Variants in AK9 observed in about 807,000 individuals in gnomAD.
AK9 encodes adenylate kinase domain containing 1.
In AK9, 191 loss-of-function variants were observed where a neutral mutation model predicts 239.6. The ratio of observed to expected loss-of-function variants is 0.80; its 90% confidence interval spans 0.71 to 0.90. AK9 has a LOEUF of 0.90. AK9 is among the 40% of genes least tolerant of loss of function. The probability of loss-of-function intolerance (pLI) is 0.00; values close to 1 mark genes in which losing one functional copy is unlikely to be tolerated. For synonymous variants in AK9, 689 were observed against 721.0 expected (o/e 0.96, Z 0.71); for missense variants, 1,995 against 2,214.7 (o/e 0.90, Z 1.99).
At chr6:109,651,007 C>G (rs1451408101) in intron 8 of AK9, among the ~76,000 whole-genome samples, 2 of 152,136 alleles carry the variant, frequency 1.3e-5, no homozygotes, top group East Asian at 3.9e-4. Flanking sequence ...TGCATGTTCT[C>G]ACTCATAGGT....
chr6:109,606,842 C>T (rs1792948802), intron 17 of AK9, among the ~76,000 whole-genome samples: 1 of 152,150 alleles, frequency 6.6e-6, no homozygotes, highest in Non-Finnish European at 1.5e-5. Flanking sequence ...GTGCATTCTC[C>T]ATGGCAAGGG....
intron 29 of AK9, among the ~76,000 whole-genome samples, chr6:109,523,230 C>T: frequency 7.4e-6 from 1 of 135,636 alleles, no homozygotes; most frequent in East Asian, 2.2e-4. Flanking sequence ...AAAATCTTCA[C>T]AAAAGATCAT....
intron 27 of AK9, among the ~76,000 whole-genome samples, chr6:109,537,146 T>C (rs1782121710): frequency 6.6e-6 from 1 of 152,194 alleles, no homozygotes; most frequent in African/African-American, 2.4e-5. Flanking sequence ...ATTCCCTCTT[T>C]TTCTATTGAT....
chr6:109,685,023 A>G (rs1773299822), intron 1 of AK9, among the ~76,000 whole-genome samples: 1 of 144,412 alleles, frequency 6.9e-6, no homozygotes, highest in South Asian at 2.1e-4. Flanking sequence ...GCAAAACCAC[A>G]ATGAGATACC....
At chr6:109,603,458 C>T (rs373108606) in intron 17 of AK9, among the ~76,000 whole-genome samples, 17 of 152,234 alleles carry the variant, frequency 1.1e-4, no homozygotes, top group African/African-American at 3.9e-4. Context: ...GGTACCTGGC[C>T]GTGTGAGGTG....
chr6:109,554,612 A>AC (rs1562399766), intron 24 of AK9, among the ~76,000 whole-genome samples: 1 of 142,242 alleles, frequency 7.0e-6, no homozygotes, highest in East Asian at 2.1e-4. Context: ...GCTCACTGCA[A>AC]CCTCCACCTC....
intron 26 of AK9, 64 bp from the exon 27 acceptor site, chr6:109,542,235 C>A: frequency 6.9e-7 from 1 of 1,439,658 alleles, no homozygotes; most frequent in East Asian, 2.4e-5. Context: ...TGCATGTTCT[C>A]ACTCATATGT....
At chr6:109,644,576 C>G in intron 9 of AK9, 38 bp downstream of exon 9, 1 of 1,526,476 alleles carries the variant, frequency 6.6e-7, no homozygotes, top group Non-Finnish European at 8.9e-7. Flanking sequence ...TTTAAATTTT[C>G]CATGCTGTGA....
At chr6:109,559,299 C>T (rs1335259133) in intron 24 of AK9, among the ~76,000 whole-genome samples, 2 of 152,136 alleles carry the variant, frequency 1.3e-5, no homozygotes, top group East Asian at 3.9e-4. Context: ...TCCCGAGTAG[C>T]TGGGACTACA....
At chr6:109,542,952 A>AT (rs1322907236) in intron 26 of AK9, among the ~76,000 whole-genome samples, 1 of 152,126 alleles carries the variant, frequency 6.6e-6, no homozygotes. Flanking sequence ...ACCTTTTTCA[A>AT]TTTATCACAC....
intron 8 of AK9, among the ~76,000 whole-genome samples, chr6:109,651,470 C>G (rs12663674): frequency 6.6e-6 from 1 of 151,832 alleles, no homozygotes; most frequent in African/African-American, 2.4e-5. Flanking sequence ...AAAGCAGGAA[C>G]GATCTAAAAT....
intron 5 of AK9, among the ~76,000 whole-genome samples, chr6:109,667,772 T>C (rs991233631): frequency 1.8e-4 from 28 of 152,236 alleles, no homozygotes; most frequent in African/African-American, 6.5e-4. Context: ...ATGATGTATA[T>C]GTGCCACATT....
At chr6:109,513,227 T>C (rs1328407285) in intron 32 of AK9, among the ~76,000 whole-genome samples, 1 of 152,156 alleles carries the variant, frequency 6.6e-6, no homozygotes, top group Non-Finnish European at 1.5e-5. Flanking sequence ...TTGACTATAA[T>C]TATGAATATT....
chr6:109,505,452 T>A (rs1213473936), intron 35 of AK9, among the ~76,000 whole-genome samples: 6 of 152,244 alleles, frequency 3.9e-5, no homozygotes, highest in Non-Finnish European at 7.3e-5. Context: ...CAAGAATATA[T>A]AATCAAACAT....
chr6:109,518,816 A>T (rs1250292971), intron 29 of AK9, among the ~76,000 whole-genome samples: 8 of 152,016 alleles, frequency 5.3e-5, no homozygotes, highest in Admixed American at 2.6e-4. Context: ...ATTAAAAAAA[A>T]TTTCAGCTTT....
At chr6:109,509,125 G>GATTTAACT in intron 33 of AK9, 54 bp downstream of exon 33, 3 of 1,492,570 alleles carry the variant, frequency 2.0e-6, no homozygotes, top group Non-Finnish European at 2.7e-6. Context: ...CGAGCGAGCA[G>GATTTAACT]TTTCTTGAAA....
intron 27 of AK9, among the ~76,000 whole-genome samples, chr6:109,540,689 G>A (rs973953846): frequency 2.0e-4 from 30 of 152,242 alleles, no homozygotes; most frequent in African/African-American, 7.0e-4. Flanking sequence ...TGTCCTCTCC[G>A]TCGCTCACAC....
intron 12 of AK9, among the ~76,000 whole-genome samples, chr6:109,630,564 C>T (rs1025405231): frequency 3.9e-5 from 6 of 151,978 alleles, no homozygotes; most frequent in South Asian, 2.1e-4. Flanking sequence ...CAGTGAGGCT[C>T]GGTATGGTGG....
intron 13 of AK9, among the ~76,000 whole-genome samples, chr6:109,616,625 CT>C (rs1414299556): frequency 3.5e-4 from 53 of 152,148 alleles, no homozygotes; most frequent in Middle Eastern, 3.4e-3. Context: ...GATCGTCCCA[CT>C]TTGGCTTCGC....
Sources: allele counts gnomAD v4.1 joint callset (sites outside exome capture counted in the v4.1 genomes callset), GRCh38; gene constraint gnomAD v4.1.1; transcripts MANE v1.5; gene names NCBI Gene and HGNC (gene_info 2026-07-23, HGNC 2026-07-21).